GLRA3: variants seen among roughly 807,000 people sequenced by gnomAD.
GLRA3 encodes glycine receptor alpha 3.
Under a neutral mutation model 60.4 loss-of-function variants are expected in GLRA3, and 44 were observed. The observed-to-expected ratio is 0.73, with a 90% CI of 0.57 to 0.94. The LOEUF (loss-of-function observed/expected upper bound fraction) is 0.94, where lower values mean the gene tolerates loss of function less well. Ranked by LOEUF, GLRA3 falls within the 40% of genes least tolerant of loss-of-function variation. The pLI is 0.00. For synonymous variants in GLRA3, 223 were observed against 192.9 expected (o/e 1.16, Z -1.29); for missense variants, 508 against 564.6 (o/e 0.90, Z 1.02).
intron 3 of GLRA3, among the ~76,000 whole-genome samples, chr4:174,759,012 A>C (rs1017129876): frequency 5.3e-5 from 8 of 152,124 alleles, no homozygotes; most frequent in Non-Finnish European, 4.4e-5. Flanking sequence ...TATGGTAGAG[A>C]GAACTTTGAA....
intron 3 of GLRA3, among the ~76,000 whole-genome samples, chr4:174,752,382 G>C (rs570743166): frequency 6.6e-6 from 1 of 152,206 alleles, no homozygotes; most frequent in East Asian, 1.9e-4. Context: ...TAAGCTCAAA[G>C]AGGCACCTGG....
intron 1 of GLRA3, among the ~76,000 whole-genome samples, chr4:174,825,945 C>A (rs1014926667): frequency 1.3e-5 from 2 of 151,974 alleles, no homozygotes; most frequent in Admixed American, 1.3e-4. Context: ...TACTAGTAAG[C>A]AACAGAAACT....
chr4:174,656,273 T>C (rs1456442171), intron 9 of GLRA3, among the ~76,000 whole-genome samples: 1 of 152,154 alleles, frequency 6.6e-6, no homozygotes, highest in Non-Finnish European at 1.5e-5. Context: ...TATTTTAACA[T>C]TTAGAATGGA....
At chr4:174,736,365 A>G (rs546311390) in intron 3 of GLRA3, among the ~76,000 whole-genome samples, 84 of 152,262 alleles carry the variant, frequency 5.5e-4, no homozygotes, top group African/African-American at 2.0e-3. Context: ...TTTATACATT[A>G]ACAGTATTAT....
chr4:174,826,647 C>T (rs1253798678), intron 1 of GLRA3, among the ~76,000 whole-genome samples: 2 of 152,156 alleles, frequency 1.3e-5, no homozygotes, highest in Non-Finnish European at 2.9e-5. Flanking sequence ...GAATTATTTA[C>T]TTATAAATAT....
chr4:174,732,211 T>C (rs897183159), intron 3 of GLRA3, among the ~76,000 whole-genome samples: 20 of 151,866 alleles, frequency 1.3e-4, no homozygotes, highest in Admixed American at 7.2e-4. Context: ...AAAAATTAGC[T>C]GGGTGTGGTG....
intron 7 of GLRA3, among the ~76,000 whole-genome samples, chr4:174,672,570 C>A (rs1208102641): frequency 1.3e-5 from 2 of 151,986 alleles, no homozygotes; most frequent in Non-Finnish European, 2.9e-5. Flanking sequence ...CATGGAAAGA[C>A]CATGTTACAG....
chr4:174,740,913 G>C (rs775530453), intron 3 of GLRA3, among the ~76,000 whole-genome samples: 44 of 152,170 alleles, frequency 2.9e-4, no homozygotes, highest in Non-Finnish European at 5.6e-4. Flanking sequence ...GTGTGTATCA[G>C]TTTATTCCTC....
At position 174,694,791 on chromosome 4, in the gene GLRA3, GT is replaced by G. The variant is rs574035548; in HGVS notation, c.575-11853del. On this transcript the variant is annotated intron_variant, in intron 5 of 9. Coordinates refer to ENST00000274093, the MANE Select transcript of GLRA3 (RefSeq NM_006529.4). Reference sequence around the variant, plus strand: ...AAAAGCCATTCGAAAGCCAGGAGTTGTTTTTTTGAAAACATTAATAAAACAT... The same window carrying G: ...AAAAGCCATTCGAAAGCCAGGAGTTGTTTTTTGAAAACATTAATAAAACAT... 2.9e-4 allele frequency among the ~76,000 whole-genome samples: 44 copies of G among 151,976 alleles called. 2 individuals are homozygous for G. In the South Asian group the frequency reaches 9.1e-3, roughly 32 times the overall value.
intron 7 of GLRA3, among the ~76,000 whole-genome samples, chr4:174,664,073 G>T (rs1019989398): frequency 3.3e-5 from 5 of 152,124 alleles, no homozygotes; most frequent in African/African-American, 1.2e-4. Flanking sequence ...TTCTCAGGGG[G>T]TGCTCTTTCC....
At chr4:174,788,693 T>A in intron 2 of GLRA3, 123 bp downstream of exon 2, 2 of 427,080 alleles carry the variant, frequency 4.7e-6, no homozygotes, top group Admixed American at 4.5e-5. Flanking sequence ...CCTTGGTGAC[T>A]AATGCAATAT....
chr4:174,710,780 A>G (rs1015031700), intron 5 of GLRA3, among the ~76,000 whole-genome samples: 15 of 152,052 alleles, frequency 9.9e-5, no homozygotes, highest in Non-Finnish European at 1.5e-5. Flanking sequence ...ATATTCAATC[A>G]ACCTAATTTT....
intron 5 of GLRA3, among the ~76,000 whole-genome samples, chr4:174,688,986 G>A (rs1258167188): frequency 1.3e-5 from 2 of 152,082 alleles, no homozygotes; most frequent in Non-Finnish European, 2.9e-5. Context: ...CTGATCATAG[G>A]ATTTTAAGGT....
chr4:174,788,788 CAT>C (rs1195424013), intron 2 of GLRA3, 26 bp downstream of exon 2: 1 of 1,518,282 alleles, frequency 6.6e-7, no homozygotes, highest in Admixed American at 1.9e-5. Context: ...TTAAAACACA[CAT>C]ATAAAGTAGC....
At chr4:174,797,795 A>T (rs1389087013) in intron 1 of GLRA3, among the ~76,000 whole-genome samples, 1 of 151,880 alleles carries the variant, frequency 6.6e-6, no homozygotes, top group Non-Finnish European at 1.5e-5. Flanking sequence ...AGCTGAAGAG[A>T]TAGCAAACGC....
chr4:174,726,744 A>G (rs954551999), intron 4 of GLRA3, among the ~76,000 whole-genome samples: 1 of 150,562 alleles, frequency 6.6e-6, no homozygotes. Context: ...TACTGTGTCC[A>G]GGTTTTTTAG....
At chr4:174,732,815 GTATGTA>G (rs1736608188) in intron 3 of GLRA3, among the ~76,000 whole-genome samples, 1 of 151,768 alleles carries the variant, frequency 6.6e-6, no homozygotes, top group African/African-American at 2.4e-5. Context: ...ATGTATGTGT[GTATGTA>G]TGTGTATGTG....
intron 5 of GLRA3, among the ~76,000 whole-genome samples, chr4:174,688,635 C>T (rs1301720463): frequency 7.1e-6 from 1 of 140,712 alleles, no homozygotes; most frequent in Non-Finnish European, 1.5e-5. Flanking sequence ...TTTTGGGTTG[C>T]CTTGAATTTG....
chr4:174,760,536 T>C (rs1266138922), intron 3 of GLRA3, among the ~76,000 whole-genome samples: 2 of 152,138 alleles, frequency 1.3e-5, no homozygotes, highest in Non-Finnish European at 2.9e-5. Flanking sequence ...ATTTTTTTTT[T>C]TTGAGAGGGA....
Sources: allele counts gnomAD v4.1 joint callset (sites outside exome capture counted in the v4.1 genomes callset), GRCh38; gene constraint gnomAD v4.1.1; transcripts MANE v1.5; gene names NCBI Gene and HGNC (gene_info 2026-07-23, HGNC 2026-07-21).